NBEA: variants seen among roughly 807,000 people sequenced by gnomAD.
The protein encoded by NBEA is lysosomal-trafficking regulator 2.
Under a neutral mutation model 343.4 loss-of-function variants are expected in NBEA, and 44 were observed. That is an observed-to-expected ratio of 0.13 (90% CI 0.10 to 0.16). The LOEUF (loss-of-function observed/expected upper bound fraction) is 0.16, where lower values mean the gene tolerates loss of function less well. NBEA is among the 10% of genes least tolerant of loss of function. The pLI is 1.00. For missense variants in NBEA, 2,555 were observed against 3,631.3 expected (o/e 0.70, Z 7.62); for synonymous variants, 1,175 against 1,238.7 (o/e 0.95, Z 1.08).
chr13:35,425,625 T>C (rs1295759653), intron 38 of NBEA, among the ~76,000 whole-genome samples: 1 of 152,174 alleles, frequency 6.6e-6, no homozygotes, highest in African/African-American at 2.4e-5. Context: ...TATATTCCGT[T>C]GATTTGGGGT....
intron 17 of NBEA, among the ~76,000 whole-genome samples, chr13:35,126,161 A>G (rs959457304): frequency 8.5e-5 from 13 of 152,230 alleles, no homozygotes; most frequent in African/African-American, 3.1e-4. Flanking sequence ...AGTGAGTCGC[A>G]TGAGATCTGA....
intron 1 of NBEA, among the ~76,000 whole-genome samples, chr13:34,984,059 T>C (rs1226464036): frequency 1.3e-5 from 2 of 152,212 alleles, no homozygotes; most frequent in African/African-American, 4.8e-5. Context: ...ATTTGTCAAT[T>C]TTGGCTTTTG....
intron 41 of NBEA, among the ~76,000 whole-genome samples, chr13:35,528,274 T>C (rs1016375092): frequency 6.6e-6 from 1 of 152,242 alleles, no homozygotes; most frequent in African/African-American, 2.4e-5. Context: ...AATCAAACTC[T>C]GTTTGTCTTT....
chr13:35,332,908 C>T (rs2039014822), intron 36 of NBEA, among the ~76,000 whole-genome samples: 1 of 152,068 alleles, frequency 6.6e-6, no homozygotes, highest in Non-Finnish European at 1.5e-5. Flanking sequence ...CCAGCACTCC[C>T]CACTATAAAT....
At chr13:34,985,465 A>G (rs2060511811) in intron 1 of NBEA, among the ~76,000 whole-genome samples, 1 of 151,042 alleles carries the variant, frequency 6.6e-6, no homozygotes, top group Non-Finnish European at 1.5e-5. Flanking sequence ...GGATTTTTGC[A>G]TCGATGTTCA....
chr13:35,043,017 TA>T (rs1268053366), intron 2 of NBEA, among the ~76,000 whole-genome samples: 2 of 151,676 alleles, frequency 1.3e-5, no homozygotes, highest in East Asian at 1.9e-4. Flanking sequence ...TTTTTTCTTT[TA>T]AAAAAAATCA....
chr13:35,242,078 A>C (rs574057594), intron 34 of NBEA, among the ~76,000 whole-genome samples: 1 of 152,060 alleles, frequency 6.6e-6, no homozygotes, highest in Admixed American at 6.6e-5. Context: ...CGTTTAAAGA[A>C]ATGTCGGCCT....
At chr13:35,617,787 T>C (rs539256022) in intron 48 of NBEA, among the ~76,000 whole-genome samples, 2 of 152,346 alleles carry the variant, frequency 1.3e-5, no homozygotes, top group Non-Finnish European at 2.9e-5. Flanking sequence ...TACTGATCTC[T>C]TGCAGAAATA....
intron 1 of NBEA, among the ~76,000 whole-genome samples, chr13:34,963,584 A>G (rs2152493157): frequency 6.6e-6 from 1 of 152,140 alleles, no homozygotes; most frequent in Admixed American, 6.6e-5. Context: ...ATAAAAATGT[A>G]AGGTCTTTTA....
At chr13:34,989,856 A>G (rs556477570) in intron 1 of NBEA, among the ~76,000 whole-genome samples, 1 of 151,110 alleles carries the variant, frequency 6.6e-6, no homozygotes, top group South Asian at 2.1e-4. Flanking sequence ...CCAAGATACA[A>G]TGGGGCTACA....
At chr13:35,082,379 T>C (rs1025086743) in intron 10 of NBEA, among the ~76,000 whole-genome samples, 1 of 152,178 alleles carries the variant, frequency 6.6e-6, no homozygotes, top group Non-Finnish European at 1.5e-5. Flanking sequence ...AATAAACATA[T>C]GTGTGCATGT....
chr13:35,475,113 C>A (rs751877846), intron 41 of NBEA: 1 of 1,614,104 alleles, frequency 6.2e-7, no homozygotes, highest in South Asian at 1.1e-5. Context: ...CCAGTCGCCA[C>A]GTTTGTTTGG....
At chr13:35,469,861 A>C (rs1264204580) in intron 40 of NBEA, among the ~76,000 whole-genome samples, 1 of 152,242 alleles carries the variant, frequency 6.6e-6, no homozygotes, top group Non-Finnish European at 1.5e-5. Flanking sequence ...GTTTTCAAAT[A>C]ACCAAGTACT....
At chr13:35,113,168 C>T (rs202192012) in intron 13 of NBEA, among the ~76,000 whole-genome samples, 1 of 151,868 alleles carries the variant, frequency 6.6e-6, no homozygotes, top group East Asian at 1.9e-4. Flanking sequence ...TTTTGAATAA[C>T]CTTAAATTTG....
intron 18 of NBEA, among the ~76,000 whole-genome samples, chr13:35,146,305 C>CA (rs2068418500): frequency 6.6e-6 from 1 of 152,154 alleles, no homozygotes; most frequent in African/African-American, 2.4e-5. Context: ...GTGTCATCAA[C>CA]ATCCATGACA....
chr13:35,201,365 C>T (rs2073010125), intron 31 of NBEA, among the ~76,000 whole-genome samples: 1 of 151,864 alleles, frequency 6.6e-6, no homozygotes, highest in Admixed American at 6.6e-5. Flanking sequence ...TTTTATATTG[C>T]AATTCTCAAA....
intron 34 of NBEA, among the ~76,000 whole-genome samples, chr13:35,262,975 T>C (rs1200022061): frequency 6.6e-6 from 1 of 152,090 alleles, no homozygotes; most frequent in African/African-American, 2.4e-5. Context: ...AAATCAATCC[T>C]AAAATTCATT....
intron 16 of NBEA, 32 bp from the exon 17 acceptor site, chr13:35,123,450 A>C: frequency 7.8e-7 from 1 of 1,278,178 alleles, no homozygotes; most frequent in Non-Finnish European, 1.1e-6. Flanking sequence ...AATATTAGTA[A>C]GTTTTTAAAA....
chr13:35,447,051 G>A, intron 39 of NBEA, among the ~76,000 whole-genome samples: 1 of 151,960 alleles, frequency 6.6e-6, no homozygotes, highest in East Asian at 1.9e-4. Flanking sequence ...GTTGATTATA[G>A]GAGGATTTCT....
Sources: gnomAD v4.1 joint callset for allele counts (sites outside exome capture counted in the v4.1 genomes callset) on GRCh38, gnomAD v4.1.1 for gene constraint, MANE v1.5 for transcripts, NCBI Gene and HGNC (gene_info 2026-07-23, HGNC 2026-07-21) for gene names.